The following FOXP1 variants were observed in gnomAD, a reference collection of about 807,000 sequenced individuals.
The protein encoded by FOXP1 is forkhead box P1.
Under a neutral mutation model 98.2 loss-of-function variants are expected in FOXP1, and 15 were observed. The observed-to-expected ratio is 0.15, with a 90% CI of 0.10 to 0.24. FOXP1 has a LOEUF of 0.24. Among genes scored for constraint, FOXP1 ranks in the 10% least tolerant of loss-of-function variants. FOXP1 has a pLI of 1.00. For synonymous variants in FOXP1, 371 were observed against 314.5 expected, an observed-to-expected ratio of 1.18 and a Z score of -1.90; for missense variants, 633 against 848.5, an observed-to-expected ratio of 0.75 and a Z score of 3.15.
intron 3 of FOXP1, among the ~76,000 whole-genome samples, chr3:71,395,055 G>A (rs552893665): frequency 7.2e-5 from 10 of 138,086 alleles, no homozygotes; most frequent in South Asian, 2.3e-4. Context: ...AGCCAAGATC[G>A]CGCCACTGCA....
chr3:71,098,174 C>A (rs1484467542), intron 7 of FOXP1, among the ~76,000 whole-genome samples: 3 of 152,184 alleles, frequency 2.0e-5, no homozygotes, highest in Non-Finnish European at 2.9e-5. Context: ...ATCAAGTAAA[C>A]CAATTCCTTT....
chr3:71,043,535 A>T (rs955220958), intron 10 of FOXP1, among the ~76,000 whole-genome samples: 2 of 152,232 alleles, frequency 1.3e-5, no homozygotes, highest in African/African-American at 2.4e-5. Context: ...CCCTCAGACC[A>T]CTGTTTACTC....
intron 5 of FOXP1, among the ~76,000 whole-genome samples, chr3:71,249,569 C>A (rs576265069): frequency 6.6e-6 from 1 of 152,276 alleles, no homozygotes; most frequent in Admixed American, 6.5e-5. Flanking sequence ...GATCTGAACC[C>A]AGCCCTCTGG....
At chr3:71,454,267 G>A (rs1290648113) in intron 3 of FOXP1, among the ~76,000 whole-genome samples, 1 of 152,152 alleles carries the variant, frequency 6.6e-6, no homozygotes, top group Non-Finnish European at 1.5e-5. Flanking sequence ...CGTGATCAGA[G>A]CTAGGGTCGC....
intron 4 of FOXP1, among the ~76,000 whole-genome samples, chr3:71,331,697 G>A (rs2076324786): frequency 6.6e-6 from 1 of 151,502 alleles, no homozygotes; most frequent in Admixed American, 6.6e-5. Context: ...TTTGTGACTG[G>A]ACCAATCGGC....
chr3:71,212,851 C>G (rs2064594613), intron 5 of FOXP1, among the ~76,000 whole-genome samples: 1 of 151,580 alleles, frequency 6.6e-6, no homozygotes, highest in Non-Finnish European at 1.5e-5. Flanking sequence ...GACATGGTGT[C>G]TACGTAATGG....
At chr3:71,389,241 G>T (rs868091708) in intron 3 of FOXP1, among the ~76,000 whole-genome samples, 1 of 59,672 alleles carries the variant, frequency 1.7e-5, no homozygotes, top group Non-Finnish European at 3.6e-5. Flanking sequence ...TAAGCGGCGG[G>T]GGGGGGGGGG....
chr3:71,067,747 C>CACACACACACACACAT (rs2052703023), intron 7 of FOXP1, among the ~76,000 whole-genome samples: 1 of 149,828 alleles, frequency 6.7e-6, no homozygotes, highest in Non-Finnish European at 1.5e-5. Context: ...CACACACACA[C>CACACACACACACACAT]ACACACACAC....
At chr3:70,992,756 T>C (rs1447807557) in intron 13 of FOXP1, among the ~76,000 whole-genome samples, 3 of 152,224 alleles carry the variant, frequency 2.0e-5, no homozygotes, top group African/African-American at 7.2e-5. Flanking sequence ...GGAATTCTAA[T>C]GCTCCCAGAG....
chr3:71,081,024 T>G (rs2054353155), intron 7 of FOXP1, among the ~76,000 whole-genome samples: 1 of 152,200 alleles, frequency 6.6e-6, no homozygotes, highest in Admixed American at 6.5e-5. Flanking sequence ...CTCCACAGGA[T>G]TTGCAACTCT....
intron 7 of FOXP1, among the ~76,000 whole-genome samples, chr3:71,110,777 C>T (rs1406652613): frequency 1.3e-5 from 2 of 152,174 alleles, no homozygotes; most frequent in Admixed American, 1.3e-4. Context: ...GCTGAAAGGT[C>T]AACATAGTCG....
intron 7 of FOXP1, among the ~76,000 whole-genome samples, chr3:71,064,459 G>A (rs1440471366): frequency 6.6e-6 from 1 of 151,908 alleles, no homozygotes; most frequent in Non-Finnish European, 1.5e-5. Context: ...AAACGAAAAA[G>A]AGAGAGAGAG....
At chr3:71,528,520 A>T (rs1173412337) in intron 2 of FOXP1, among the ~76,000 whole-genome samples, 1 of 152,242 alleles carries the variant, frequency 6.6e-6, no homozygotes, top group African/African-American at 2.4e-5. Context: ...ACTTACTCAC[A>T]GTATCAAAGG....
At chr3:71,093,836 T>A (rs2056164054) in intron 7 of FOXP1, among the ~76,000 whole-genome samples, 1 of 152,030 alleles carries the variant, frequency 6.6e-6, no homozygotes, top group South Asian at 2.1e-4. Context: ...TCAATAAAGA[T>A]CAAAATGAGA....
intron 2 of FOXP1, chr3:71,567,751 C>T (rs1386382220): frequency 3.9e-5 from 6 of 152,004 alleles, no homozygotes; most frequent in Admixed American, 3.9e-4. Flanking sequence ...AAAGAATCTC[C>T]TTATTTAACA....
At chr3:71,054,735 A>AC (rs1206827234) in intron 7 of FOXP1, among the ~76,000 whole-genome samples, 1 of 151,834 alleles carries the variant, frequency 6.6e-6, no homozygotes, top group Non-Finnish European at 1.5e-5. Context: ...ATGAAAAATC[A>AC]CCCCCCGCCC....
intron 4 of FOXP1, among the ~76,000 whole-genome samples, chr3:71,331,623 A>G (rs998936002): frequency 2.6e-5 from 4 of 152,258 alleles, no homozygotes; most frequent in Non-Finnish European, 4.4e-5. Flanking sequence ...TACACCAATC[A>G]GCACTCTGTA....
chr3:71,101,678 C>CAAA (rs75384060), intron 7 of FOXP1, among the ~76,000 whole-genome samples: 14 of 72,576 alleles, frequency 1.9e-4, no homozygotes, highest in African/African-American at 2.4e-4. Flanking sequence ...TGGGAAAAAG[C>CAAA]AAAAAAAAAA....
At chr3:71,395,402 C>T (rs1479506519) in intron 3 of FOXP1, among the ~76,000 whole-genome samples, 1 of 149,998 alleles carries the variant, frequency 6.7e-6, no homozygotes, top group Non-Finnish European at 1.5e-5. Flanking sequence ...TCATGATACC[C>T]CAGGGTCTGA....
Sources: allele counts gnomAD v4.1 joint callset (sites outside exome capture counted in the v4.1 genomes callset), GRCh38; gene constraint gnomAD v4.1.1; transcripts MANE v1.5; gene names NCBI Gene and HGNC (gene_info 2026-07-23, HGNC 2026-07-21).